ZFPM2: variants seen among roughly 807,000 people sequenced by gnomAD.
The protein encoded by ZFPM2 is zinc finger protein ZFPM2.
ZFPM2 carries 20 observed loss-of-function variants against 98.6 expected under a neutral mutation model. That is an observed-to-expected ratio of 0.20 (90% CI 0.14 to 0.29). ZFPM2 has a LOEUF of 0.29. Ranked by LOEUF, ZFPM2 falls within the 10% of genes least tolerant of loss-of-function variation. The pLI is 1.00. For synonymous variants in ZFPM2, 518 were observed against 502.7 expected, an observed-to-expected ratio of 1.03 and a Z score of -0.41; for missense variants, 1,310 against 1,388.6, an observed-to-expected ratio of 0.94 and a Z score of 0.90.
chr8:105,661,984 A>G (rs1817398754), intron 5 of ZFPM2, among the ~76,000 whole-genome samples: 1 of 152,180 alleles, frequency 6.6e-6, no homozygotes, highest in African/African-American at 2.4e-5. Context: ...TAAGAAAAAA[A>G]AAAGGAAGCA....
chr8:105,321,094 T>G, intron 1 of ZFPM2, among the ~76,000 whole-genome samples: 1 of 152,250 alleles, frequency 6.6e-6, no homozygotes, highest in East Asian at 1.9e-4. Context: ...TTTGAATTTC[T>G]ATACTGGAGT....
At chr8:105,487,921 TCTATCTATCTAGCTAGCTAGCTAG>T (rs1247416917) in intron 3 of ZFPM2, among the ~76,000 whole-genome samples, 98 of 102,184 alleles carry the variant, frequency 9.6e-4, no homozygotes, top group African/African-American at 2.6e-3. Context: ...TATCTATCTA[TCTATCTATCTAGCTAGCTAGCTAG>T]CTAGCTATCT....
intron 3 of ZFPM2, among the ~76,000 whole-genome samples, chr8:105,545,930 C>A (rs1814687594): frequency 6.6e-6 from 1 of 152,074 alleles, no homozygotes; most frequent in Admixed American, 6.6e-5. Flanking sequence ...AGCAGTTAAT[C>A]CTGGTTATCT....
intron 2 of ZFPM2, among the ~76,000 whole-genome samples, chr8:105,431,127 C>CA (rs915192726): frequency 9.9e-5 from 15 of 151,932 alleles, no homozygotes; most frequent in African/African-American, 3.6e-4. Flanking sequence ...AGTCTGGTCT[C>CA]AAACTCCTGA....
intron 5 of ZFPM2, among the ~76,000 whole-genome samples, chr8:105,642,078 G>A (rs1816958580): frequency 1.3e-5 from 2 of 152,112 alleles, no homozygotes; most frequent in Admixed American, 6.6e-5. Flanking sequence ...CATTCAAAGA[G>A]ATGCTAATCT....
intron 5 of ZFPM2, among the ~76,000 whole-genome samples, chr8:105,706,967 G>A (rs1437283289): frequency 6.6e-6 from 1 of 151,418 alleles, no homozygotes; most frequent in Non-Finnish European, 1.5e-5. Context: ...TAGGCTGGGT[G>A]TGGTGGCTCA....
chr8:105,660,601 A>AT, intron 5 of ZFPM2, among the ~76,000 whole-genome samples: 1 of 152,302 alleles, frequency 6.6e-6, no homozygotes, highest in South Asian at 2.1e-4. Context: ...ATGAATATCT[A>AT]TATCTATCTC....
chr8:105,413,395 ATTTG>A (rs1811615789), intron 1 of ZFPM2, among the ~76,000 whole-genome samples: 1 of 151,092 alleles, frequency 6.6e-6, no homozygotes. Flanking sequence ...ATGAACCAGA[ATTTG>A]TTTATCCCTT....
At chr8:105,502,990 T>A (rs2130478108) in intron 3 of ZFPM2, among the ~76,000 whole-genome samples, 1 of 152,290 alleles carries the variant, frequency 6.6e-6, no homozygotes, top group African/African-American at 2.4e-5. Flanking sequence ...GGCATGTAGA[T>A]AAGCCAAATC....
intron 3 of ZFPM2, among the ~76,000 whole-genome samples, chr8:105,524,111 T>C (rs1814120122): frequency 6.6e-6 from 1 of 152,142 alleles, no homozygotes; most frequent in African/African-American, 2.4e-5. Flanking sequence ...TTAATATATA[T>C]ATTTATAGGA....
chr8:105,489,448 T>A (rs13281727), intron 3 of ZFPM2, among the ~76,000 whole-genome samples: 4,938 of 107,850 alleles, frequency 0.046, 214 homozygotes, highest in African/African-American at 0.069. Flanking sequence ...ATATATGTTT[T>A]TATATATATA....
intron 5 of ZFPM2, among the ~76,000 whole-genome samples, chr8:105,651,048 G>A (rs1817162363): frequency 6.6e-6 from 1 of 152,090 alleles, no homozygotes; most frequent in Non-Finnish European, 1.5e-5. Flanking sequence ...CAGGTCTCCT[G>A]CAGTCTACTT....
At chr8:105,393,920 G>A (rs1419585611) in intron 1 of ZFPM2, among the ~76,000 whole-genome samples, 1 of 144,792 alleles carries the variant, frequency 6.9e-6, no homozygotes, top group African/African-American at 2.6e-5. Context: ...TTGAGATGGA[G>A]TCTCGCTCTG....
chr8:105,634,100 G>C (rs528965004), intron 4 of ZFPM2, 146 bp from the exon 5 acceptor site: 1 of 597,234 alleles, frequency 1.7e-6, no homozygotes, highest in South Asian at 2.4e-5. Context: ...GTCTTAAAAA[G>C]ATATCATGAG....
chr8:105,325,037 T>C (rs1233762304), intron 1 of ZFPM2, among the ~76,000 whole-genome samples: 1 of 151,838 alleles, frequency 6.6e-6, no homozygotes, highest in African/African-American at 2.4e-5. Flanking sequence ...TTGGATTCTT[T>C]GTTACCTTCC....
intron 2 of ZFPM2, among the ~76,000 whole-genome samples, chr8:105,423,173 G>A (rs895334659): frequency 1.3e-5 from 2 of 152,094 alleles, no homozygotes; most frequent in Admixed American, 6.5e-5. Flanking sequence ...AGAAATGTCC[G>A]AGATTGTTGG....
At chr8:105,381,339 A>G (rs1810884960) in intron 1 of ZFPM2, among the ~76,000 whole-genome samples, 1 of 151,708 alleles carries the variant, frequency 6.6e-6, no homozygotes, top group Admixed American at 6.6e-5. Context: ...TTCTTTTTCC[A>G]GTTTTTTTGA....
chr8:105,761,622 C>T (rs1400267765), intron 5 of ZFPM2, among the ~76,000 whole-genome samples: 4 of 151,820 alleles, frequency 2.6e-5, no homozygotes, highest in African/African-American at 7.2e-5. Flanking sequence ...GTCCTTCTAA[C>T]GTCTCTTTAG....
At chr8:105,451,141 T>C (rs1812476923) in intron 3 of ZFPM2, among the ~76,000 whole-genome samples, 1 of 152,188 alleles carries the variant, frequency 6.6e-6, no homozygotes, top group Admixed American at 6.5e-5. Flanking sequence ...TAGTGGCTTG[T>C]TTTAGAGTTT....
Sources: allele counts gnomAD v4.1 joint callset (sites outside exome capture counted in the v4.1 genomes callset), GRCh38; gene constraint gnomAD v4.1.1; transcripts MANE v1.5; gene names NCBI Gene and HGNC (gene_info 2026-07-23, HGNC 2026-07-21).